The following TBC1D14 variants were observed in gnomAD, a reference collection of about 807,000 sequenced individuals.
TBC1D14 encodes the protein TBC1 domain family member 14, also known as TBC1 domain family, member 14.
A neutral mutation model predicts 79.0 loss-of-function variants in TBC1D14; 26 were observed. The ratio of observed to expected loss-of-function variants is 0.33; its 90% confidence interval spans 0.24 to 0.46. The LOEUF is 0.46. Ranked by LOEUF, TBC1D14 falls within the 20% of genes least tolerant of loss-of-function variation. The pLI, the probability that TBC1D14 is intolerant of heterozygous loss-of-function variation, is 1.00. For missense variants in TBC1D14, 769 were observed against 887.6 expected (o/e 0.87, Z 1.70); for synonymous variants, 394 against 349.9 (o/e 1.13, Z -1.40).
intron 3 of TBC1D14, among the ~76,000 whole-genome samples, chr4:6,981,958 A>G (rs1717414192): frequency 6.6e-6 from 1 of 152,268 alleles, no homozygotes. Flanking sequence ...CATTGAAAAC[A>G]AGACAAGGAT....
At chr4:6,989,105 A>T (rs1181474977) in intron 3 of TBC1D14, among the ~76,000 whole-genome samples, 1 of 151,882 alleles carries the variant, frequency 6.6e-6, no homozygotes, top group Non-Finnish European at 1.5e-5. Context: ...ACAAATGTGC[A>T]TTGAAGCAGG....
chr4:6,936,634 G>T (rs574090290), intron 2 of TBC1D14, among the ~76,000 whole-genome samples: 1 of 152,296 alleles, frequency 6.6e-6, no homozygotes, highest in East Asian at 1.9e-4. Flanking sequence ...CAGCTCCTTT[G>T]GGTAAATACC....
chr4:6,923,068 G>A (rs1723994091), intron 1 of TBC1D14, among the ~76,000 whole-genome samples: 1 of 152,224 alleles, frequency 6.6e-6, no homozygotes, highest in Admixed American at 6.5e-5. Context: ...GGGCGTGGAA[G>A]CGCATGCCTG....
intron 3 of TBC1D14, among the ~76,000 whole-genome samples, chr4:6,981,182 G>A (rs769645556): frequency 3.9e-5 from 6 of 151,980 alleles, no homozygotes; most frequent in Admixed American, 1.3e-4. Flanking sequence ...GTACCACCAC[G>A]CCCAGCTAAT....
intron 1 of TBC1D14, among the ~76,000 whole-genome samples, chr4:6,916,896 T>C (rs1250419655): frequency 6.6e-6 from 1 of 152,240 alleles, no homozygotes; most frequent in African/African-American, 2.4e-5. Context: ...TACGGATGCG[T>C]ACTGCAGTGG....
At chr4:6,943,651 A>G (rs761900373) in intron 2 of TBC1D14, among the ~76,000 whole-genome samples, 1 of 151,156 alleles carries the variant, frequency 6.6e-6, no homozygotes, top group Non-Finnish European at 1.5e-5. Flanking sequence ...GATCACCCCA[A>G]CCTCTCCCAG....
In TBC1D14 at chr4:7,007,688, G is replaced by A. The variant is rs1720341078; in HGVS notation, c.1446+962G>A. The A allele has an allele frequency of 3.7e-6, 4 of 1,075,732 alleles. No homozygotes were observed. The South Asian group carries it at 4.0e-5, about 11-fold the overall frequency. The allele number at this position is 1,075,732 out of a possible 1,614,324, so 66.6% of individuals were successfully genotyped here. The stretch of plus-strand genomic sequence containing the variant: ...AGGCAGTTGACTTAGCTGGGAGCCT[G>A]TTTCCTGGAACCCTGCTTCTCCCAC... On this transcript the variant is annotated intron_variant, in intron 9 of 13. Coordinates refer to ENST00000409757, the MANE Select transcript of TBC1D14 (RefSeq NM_020773.3).
chr4:6,975,810 AGGCTGGGAGTGGT>A (rs948781055), intron 3 of TBC1D14, among the ~76,000 whole-genome samples: 1 of 152,134 alleles, frequency 6.6e-6, no homozygotes, highest in Non-Finnish European at 1.5e-5. Flanking sequence ...TATCCAATCC[AGGCTGGGAGTGGT>A]GGCTCACACC....
intron 2 of TBC1D14, among the ~76,000 whole-genome samples, chr4:6,955,473 C>T (rs571124243): frequency 1.3e-5 from 2 of 152,232 alleles, no homozygotes; most frequent in East Asian, 3.9e-4. Flanking sequence ...TAGGCAGGCA[C>T]CTGATAGTGC....
chr4:6,943,153 T>TG (rs147094271), intron 2 of TBC1D14, among the ~76,000 whole-genome samples: 498 of 151,452 alleles, frequency 3.3e-3, no homozygotes, highest in Non-Finnish European at 5.7e-3. Context: ...GGGACCAGTG[T>TG]GGGAGTTCTG....
chr4:6,909,700 C>G (rs1417109145), upstream of TBC1D14: 2 of 149,644 alleles, frequency 1.3e-5, no homozygotes, highest in Non-Finnish European at 3.0e-5. Context: ...GCGGCACGGG[C>G]GGAAGAACGG....
intron 2 of TBC1D14, among the ~76,000 whole-genome samples, chr4:6,961,155 G>A (rs1396463856): frequency 6.6e-6 from 1 of 152,154 alleles, no homozygotes; most frequent in African/African-American, 2.4e-5. Context: ...ACGCCCCAGG[G>A]AAGCACTGGG....
At chr4:6,952,334 G>T (rs1459904539) in intron 2 of TBC1D14, among the ~76,000 whole-genome samples, 4 of 152,206 alleles carry the variant, frequency 2.6e-5, no homozygotes, top group African/African-American at 9.6e-5. Context: ...TGCTGGTCCA[G>T]ATTCCCCACT....
chr4:6,925,221 C>T (rs144066672), intron 2 of TBC1D14, among the ~76,000 whole-genome samples: 212 of 152,244 alleles, frequency 1.4e-3, no homozygotes, highest in Admixed American at 2.4e-3. Context: ...GAGCCGAGAT[C>T]GCGCCACCGC....
At chr4:6,918,551 G>T (rs1723584724) in intron 1 of TBC1D14, among the ~76,000 whole-genome samples, 1 of 152,202 alleles carries the variant, frequency 6.6e-6, no homozygotes, top group East Asian at 1.9e-4. Context: ...GAGCTATAGG[G>T]TATTGTCCCA....
chr4:6,926,154 G>C (rs1039467911), intron 2 of TBC1D14, among the ~76,000 whole-genome samples: 1 of 152,228 alleles, frequency 6.6e-6, no homozygotes, highest in Non-Finnish European at 1.5e-5. Flanking sequence ...GCTCACCTTT[G>C]TCCTCGCACG....
intron 2 of TBC1D14, among the ~76,000 whole-genome samples, chr4:6,927,539 T>C (rs1010825636): frequency 3.3e-5 from 5 of 152,208 alleles, no homozygotes; most frequent in African/African-American, 7.2e-5. Flanking sequence ...AAAATACTTT[T>C]TCTAAAGCTT....
At chr4:6,928,453 T>C (rs907699111) in intron 2 of TBC1D14, among the ~76,000 whole-genome samples, 3 of 152,232 alleles carry the variant, frequency 2.0e-5, no homozygotes, top group African/African-American at 7.2e-5. Context: ...ATTTTTGTAC[T>C]GTGTGATCTT....
At chr4:6,990,496 A>C (rs998362874) in intron 3 of TBC1D14, among the ~76,000 whole-genome samples, 1 of 152,204 alleles carries the variant, frequency 6.6e-6, no homozygotes, top group Non-Finnish European at 1.5e-5. Context: ...GGCAGCTGTC[A>C]CTTAAGTGGG....
Sources: allele counts gnomAD v4.1 joint callset (sites outside exome capture counted in the v4.1 genomes callset), GRCh38; gene constraint gnomAD v4.1.1; transcripts MANE v1.5; gene names NCBI Gene and HGNC (gene_info 2026-07-23, HGNC 2026-07-21).